Variants in KCNT2 observed in about 807,000 individuals in gnomAD.
KCNT2 encodes the protein potassium sodium-activated channel subfamily T member 2.
KCNT2 carries 67 observed loss-of-function variants against 153.8 expected under a neutral mutation model. The ratio of observed to expected loss-of-function variants is 0.44; its 90% CI spans 0.36 to 0.53. The LOEUF is 0.53. KCNT2 is among the 20% of genes least tolerant of loss of function. The pLI, the probability that KCNT2 is intolerant of heterozygous loss-of-function variation, is 0.00. For missense variants in KCNT2, 975 were observed against 1,354.8 expected (o/e 0.72, Z 4.40); for synonymous variants, 500 against 458.8 (o/e 1.09, Z -1.15).
At chr1:196,423,929 C>T (rs979121844) in intron 11 of KCNT2, among the ~76,000 whole-genome samples, 1 of 151,778 alleles carries the variant, frequency 6.6e-6, no homozygotes. Flanking sequence ...TTTGGAGAAT[C>T]CTACTCCATG....
At chr1:196,452,958 A>G (rs918963051) in intron 8 of KCNT2, among the ~76,000 whole-genome samples, 1 of 152,012 alleles carries the variant, frequency 6.6e-6, no homozygotes, top group Non-Finnish European at 1.5e-5. Flanking sequence ...AGAAACACTC[A>G]GAATGTTTCA....
chr1:196,516,333 C>A (rs1682049249), intron 1 of KCNT2, among the ~76,000 whole-genome samples: 1 of 151,986 alleles, frequency 6.6e-6, no homozygotes, highest in South Asian at 2.1e-4. Context: ...GGTGGTCCCC[C>A]AGCACAGCAC....
intron 13 of KCNT2, among the ~76,000 whole-genome samples, chr1:196,394,673 C>G (rs1204442147): frequency 6.6e-6 from 1 of 151,182 alleles, no homozygotes; most frequent in Non-Finnish European, 1.5e-5. Flanking sequence ...AGATGAGATC[C>G]TCTAAGAAAA....
At chr1:196,338,524 C>T (rs967767654) in intron 16 of KCNT2, among the ~76,000 whole-genome samples, 2 of 151,920 alleles carry the variant, frequency 1.3e-5, no homozygotes, top group Non-Finnish European at 2.9e-5. Context: ...ACTAGGATTG[C>T]CTAATGCAAA....
At chr1:196,271,727 C>T (rs1431529146) in intron 25 of KCNT2, among the ~76,000 whole-genome samples, 1 of 151,872 alleles carries the variant, frequency 6.6e-6, no homozygotes, top group Admixed American at 6.6e-5. Flanking sequence ...CTCATTATGT[C>T]TGCGAGTGTG....
At chr1:196,310,619 C>A (rs780180572) in intron 21 of KCNT2, among the ~76,000 whole-genome samples, 1 of 151,678 alleles carries the variant, frequency 6.6e-6, no homozygotes, top group East Asian at 1.9e-4. Flanking sequence ...TTGTTTCCTT[C>A]GTAAGATTAT....
chr1:196,306,420 C>T (rs929764497), intron 21 of KCNT2, among the ~76,000 whole-genome samples: 2 of 152,012 alleles, frequency 1.3e-5, no homozygotes, highest in Admixed American at 6.6e-5. Context: ...TCCATGTGCC[C>T]GAGTGCTTGA....
intron 13 of KCNT2, among the ~76,000 whole-genome samples, chr1:196,381,790 G>A (rs1029241067): frequency 7.9e-5 from 12 of 152,178 alleles, no homozygotes; most frequent in East Asian, 7.7e-4. Flanking sequence ...CAAGCTCCCC[G>A]AACACCTGTC....
At chr1:196,599,897 G>A (rs1664520266) in intron 1 of KCNT2, among the ~76,000 whole-genome samples, 1 of 152,050 alleles carries the variant, frequency 6.6e-6, no homozygotes, top group Admixed American at 6.6e-5. Flanking sequence ...GGCTTTCCAG[G>A]TTCTCAACTC....
intron 8 of KCNT2, among the ~76,000 whole-genome samples, chr1:196,454,501 G>A (rs965251490): frequency 6.6e-6 from 1 of 151,836 alleles, no homozygotes; most frequent in Admixed American, 6.6e-5. Context: ...ATTCACTTAG[G>A]ATGATGGCCT....
intron 11 of KCNT2, among the ~76,000 whole-genome samples, chr1:196,423,746 A>AAG (rs1553321546): frequency 6.6e-6 from 1 of 151,542 alleles, no homozygotes. Context: ...CAAAAAAAAA[A>AAG]ATGGTTTCTA....
At chr1:196,245,432 A>G (rs1286022318) in intron 26 of KCNT2, among the ~76,000 whole-genome samples, 2 of 152,212 alleles carry the variant, frequency 1.3e-5, no homozygotes, top group Non-Finnish European at 2.9e-5. Flanking sequence ...AAAGAATACA[A>G]TAAATACCTA....
intron 1 of KCNT2, among the ~76,000 whole-genome samples, chr1:196,599,271 G>A (rs1664441164): frequency 6.6e-6 from 1 of 152,208 alleles, no homozygotes; most frequent in African/African-American, 2.4e-5. Context: ...TTTTCCCACA[G>A]GGAGTTAAAT....
chr1:196,296,418 G>C (rs1288803985), intron 22 of KCNT2, among the ~76,000 whole-genome samples: 1 of 151,848 alleles, frequency 6.6e-6, no homozygotes. Flanking sequence ...ATATGAATAA[G>C]TATACGGAGA....
Position 196,549,174 on chromosome 1 carries a change from A to C in KCNT2, c.96-56833T>G, listed in dbSNP as rs185769282. ...TATGATAAAAAAAAGAAGTAAATCC[A>C]AAACTTTCTGTTACTCAATAAAATG... On this transcript the variant is annotated intron_variant, in intron 1 of 27. Transcript: ENST00000294725. Among the ~76,000 whole-genome samples the C allele has an allele frequency of 1.8e-3, 281 of 152,078 alleles. 1 individual carries two copies. The highest frequency in any genetic ancestry group is 6.6e-3 in the African/African-American group (275 of 41,538).
intron 1 of KCNT2, among the ~76,000 whole-genome samples, chr1:196,509,534 T>C (rs1344185432): frequency 6.6e-6 from 1 of 152,194 alleles, no homozygotes; most frequent in African/African-American, 2.4e-5. Context: ...AATTAAACAA[T>C]AACTTATTTA....
intron 16 of KCNT2, among the ~76,000 whole-genome samples, chr1:196,337,802 C>A (rs1017516883): frequency 2.0e-5 from 3 of 152,082 alleles, no homozygotes; most frequent in Admixed American, 2.0e-4. Flanking sequence ...GCTCTGTTTT[C>A]TTCTTTTAGT....
At chr1:196,534,529 A>C (rs1249108911) in intron 1 of KCNT2, among the ~76,000 whole-genome samples, 1 of 152,196 alleles carries the variant, frequency 6.6e-6, no homozygotes, top group Non-Finnish European at 1.5e-5. Context: ...AATAAGAAGA[A>C]AACAGGAAGT....
Position 196,227,783 on chromosome 1 carries a change from T to C in KCNT2, c.*441A>G, listed in dbSNP as rs1309738919. ...ATGTGAGAAGACTAGACATTTACGA[T>C]GAGCTCAATTTTGTAAAACAGTAAG... is the stretch of plus-strand genomic sequence containing the variant. On this transcript the variant is annotated 3_prime_UTR_variant, in exon 28 of 28. Transcript: ENST00000294725. The C allele has an allele frequency of 6.5e-6, 1 of 152,976 alleles. No homozygotes were observed. The highest frequency in any genetic ancestry group is 1.9e-4 in the East Asian group (1 of 5,198). 9.5% of individuals were successfully genotyped at this position (152,976 alleles called of 1,614,324 possible).
Sources: gnomAD v4.1 joint callset for allele counts (sites outside exome capture counted in the v4.1 genomes callset) on GRCh38, gnomAD v4.1.1 for gene constraint, MANE v1.5 for transcripts, NCBI Gene and HGNC (gene_info 2026-07-23, HGNC 2026-07-21) for gene names.